NCALD: variants seen among roughly 807,000 people sequenced by gnomAD.
NCALD encodes neurocalcin-delta.
NCALD carries 10 observed loss-of-function variants against 18.6 expected under a neutral mutation model. The observed-to-expected ratio is 0.54, with a 90% CI of 0.33 to 0.91. The LOEUF is 0.91. Ranked by LOEUF, NCALD falls within the 40% of genes least tolerant of loss-of-function variation. NCALD has a pLI of 0.03. For missense variants in NCALD, 184 were observed against 247.6 expected, an observed-to-expected ratio of 0.74 and a Z score of 1.72; for synonymous variants, 88 against 87.4, an observed-to-expected ratio of 1.01 and a Z score of -0.04.
intron 2 of NCALD, among the ~76,000 whole-genome samples, chr8:101,970,871 A>T (rs1820214240): frequency 6.6e-6 from 1 of 152,192 alleles, no homozygotes; most frequent in South Asian, 2.1e-4. Context: ...TGTTGTGGCA[A>T]TGCTGCAAGG....
At chr8:101,912,834 T>C (rs1325254328) in intron 3 of NCALD, among the ~76,000 whole-genome samples, 1 of 152,216 alleles carries the variant, frequency 6.6e-6, no homozygotes, top group Non-Finnish European at 1.5e-5. Context: ...GCCAATGCCT[T>C]CATTGAATAT....
At chr8:102,021,258 C>T (rs1158752984) in intron 1 of NCALD, among the ~76,000 whole-genome samples, 1 of 152,138 alleles carries the variant, frequency 6.6e-6, no homozygotes, top group East Asian at 1.9e-4. Flanking sequence ...TAGAGCTATC[C>T]TCAGTCCTTA....
At chr8:102,005,115 T>G (rs1458128438) in intron 2 of NCALD, among the ~76,000 whole-genome samples, 2 of 151,984 alleles carry the variant, frequency 1.3e-5, no homozygotes, top group Non-Finnish European at 2.9e-5. Flanking sequence ...GGGAGAAAAT[T>G]TTTGCAATCT....
At chr8:101,916,911 G>A (rs1272470785) in intron 2 of NCALD, among the ~76,000 whole-genome samples, 1 of 151,894 alleles carries the variant, frequency 6.6e-6, no homozygotes, top group Non-Finnish European at 1.5e-5. Context: ...TAATAGAAGG[G>A]AACTTTAACA....
At chr8:101,851,839 CA>C (rs1815104944) in intron 4 of NCALD, among the ~76,000 whole-genome samples, 1 of 152,108 alleles carries the variant, frequency 6.6e-6, no homozygotes, top group African/African-American at 2.4e-5. Flanking sequence ...TATGTCCTTC[CA>C]AAATTTATGT....
chr8:101,728,333 A>C (rs562887908), intron 1 of NCALD, among the ~76,000 whole-genome samples: 7 of 152,186 alleles, frequency 4.6e-5, no homozygotes, highest in Non-Finnish European at 1.0e-4. Flanking sequence ...CTCAGAGCCC[A>C]GAGTTAGATT....
intron 1 of NCALD, among the ~76,000 whole-genome samples, chr8:102,113,649 A>G (rs1825699715): frequency 6.6e-6 from 1 of 152,218 alleles, no homozygotes; most frequent in South Asian, 2.1e-4. Flanking sequence ...TGCCTAGGAC[A>G]GTCCCCATTT....
At chr8:102,016,828 C>T (rs1822098840) in intron 2 of NCALD, among the ~76,000 whole-genome samples, 1 of 151,932 alleles carries the variant, frequency 6.6e-6, no homozygotes, top group South Asian at 2.1e-4. Context: ...AAAGCAAAAA[C>T]AAAAACAAAA....
At chr8:101,797,146 TC>T (rs1812666876) in intron 4 of NCALD, among the ~76,000 whole-genome samples, 1 of 152,234 alleles carries the variant, frequency 6.6e-6, no homozygotes, top group Middle Eastern at 3.2e-3. Flanking sequence ...TATCAGGACT[TC>T]CTGAGGCTGT....
chr8:102,005,622 T>A (rs375895356), intron 2 of NCALD, among the ~76,000 whole-genome samples: 4 of 152,086 alleles, frequency 2.6e-5, no homozygotes, highest in African/African-American at 9.7e-5. Flanking sequence ...GACTTGGAAC[T>A]AACCCAAATG....
intron 2 of NCALD, among the ~76,000 whole-genome samples, chr8:101,707,351 C>A: frequency 6.6e-6 from 1 of 152,158 alleles, no homozygotes; most frequent in East Asian, 1.9e-4. Flanking sequence ...GGTGGGCAGT[C>A]TGGAAATGAG....
chr8:101,745,049 G>T (rs1455511063), intron 1 of NCALD, among the ~76,000 whole-genome samples: 1 of 147,372 alleles, frequency 6.8e-6, no homozygotes. Context: ...GGGTAGGGTG[G>T]GGGGGACTAT....
At chr8:101,743,947 C>T (rs956024455) in intron 1 of NCALD, among the ~76,000 whole-genome samples, 1 of 152,142 alleles carries the variant, frequency 6.6e-6, no homozygotes, top group South Asian at 2.1e-4. Context: ...GTTTGGACAG[C>T]GTGTGAACTC....
chr8:101,835,465 A>G (rs1190857782), intron 4 of NCALD, among the ~76,000 whole-genome samples: 1 of 152,216 alleles, frequency 6.6e-6, no homozygotes, highest in Non-Finnish European at 1.5e-5. Context: ...TAAACCCTCT[A>G]CAATGCACAG....
chr8:101,886,138 T>C (rs912377042), intron 4 of NCALD, among the ~76,000 whole-genome samples: 1 of 152,230 alleles, frequency 6.6e-6, no homozygotes, highest in African/African-American at 2.4e-5. Context: ...TACTCTTCTA[T>C]AGATCTCATT....
chr8:102,039,933 A>G (rs1822990798), intron 1 of NCALD, among the ~76,000 whole-genome samples: 1 of 152,148 alleles, frequency 6.6e-6, no homozygotes, highest in African/African-American at 2.4e-5. Context: ...CCATGAGTCT[A>G]AACAGCCTGA....
At chr8:101,800,561 T>C (rs1484257085) in intron 4 of NCALD, among the ~76,000 whole-genome samples, 2 of 151,718 alleles carry the variant, frequency 1.3e-5, no homozygotes, top group Non-Finnish European at 2.9e-5. Flanking sequence ...TGACCAAATA[T>C]TGCAATTAAA....
chr8:102,072,475 A>T (rs533163829), intron 1 of NCALD, among the ~76,000 whole-genome samples: 1 of 152,292 alleles, frequency 6.6e-6, no homozygotes, highest in Admixed American at 6.5e-5. Context: ...ACCTTCCAAA[A>T]ATGACAGTAT....
At chr8:101,855,273 C>T (rs1044221682) in intron 4 of NCALD, among the ~76,000 whole-genome samples, 2 of 152,120 alleles carry the variant, frequency 1.3e-5, no homozygotes, top group Admixed American at 6.5e-5. Context: ...ATGACTAGCA[C>T]TAGCCAATGA....
Sources: allele counts gnomAD v4.1 joint callset (sites outside exome capture counted in the v4.1 genomes callset), GRCh38; gene constraint gnomAD v4.1.1; transcripts MANE v1.5; gene names NCBI Gene and HGNC (gene_info 2026-07-23, HGNC 2026-07-21).